The following HS6ST3 variants were observed in gnomAD, a reference collection of about 807,000 sequenced individuals.
The protein encoded by HS6ST3 is heparan sulfate 6-O-sulfotransferase 3.
In HS6ST3, 12 loss-of-function variants were observed where a neutral mutation model predicts 36.7. The observed-to-expected ratio is 0.33, with a 90% CI of 0.21 to 0.53. The LOEUF is 0.53. Among genes scored for constraint, HS6ST3 ranks in the 20% least tolerant of loss-of-function variants. The probability of loss-of-function intolerance (pLI) is 0.95; values close to 1 mark genes in which losing one functional copy is unlikely to be tolerated. For missense variants in HS6ST3, 584 were observed against 640.9 expected (o/e 0.91, Z 0.96); for synonymous variants, 240 against 257.5 (o/e 0.93, Z 0.65).
intron 1 of HS6ST3, among the ~76,000 whole-genome samples, chr13:96,277,136 A>C (rs908314077): frequency 5.3e-5 from 8 of 152,292 alleles, no homozygotes; most frequent in Non-Finnish European, 1.0e-4. Flanking sequence ...TTCAAAAATA[A>C]GTTGTTTTCT....
At chr13:96,611,168 G>A (rs969928328) in intron 1 of HS6ST3, among the ~76,000 whole-genome samples, 5 of 146,902 alleles carry the variant, frequency 3.4e-5, no homozygotes, top group African/African-American at 1.3e-4. Flanking sequence ...AAGTTTTAGG[G>A]TACATGTGCA....
intron 1 of HS6ST3, among the ~76,000 whole-genome samples, chr13:96,684,340 G>A (rs1467226351): frequency 6.6e-6 from 1 of 151,942 alleles, no homozygotes; most frequent in Non-Finnish European, 1.5e-5. Context: ...TAGGGAAATG[G>A]GAGATGTCTA....
intron 1 of HS6ST3, among the ~76,000 whole-genome samples, chr13:96,805,407 G>A (rs938173236): frequency 1.3e-5 from 2 of 152,002 alleles, no homozygotes; most frequent in Non-Finnish European, 1.5e-5. Flanking sequence ...AGTTTCCTGA[G>A]GTCTCCCCAG....
At chr13:96,134,207 T>C (rs1295450980) in intron 1 of HS6ST3, among the ~76,000 whole-genome samples, 3 of 152,120 alleles carry the variant, frequency 2.0e-5, no homozygotes, top group Non-Finnish European at 4.4e-5. Context: ...CTTTTATTTC[T>C]TTATCTTATG....
intron 1 of HS6ST3, among the ~76,000 whole-genome samples, chr13:96,157,381 A>G (rs890758715): frequency 2.6e-5 from 4 of 152,240 alleles, no homozygotes; most frequent in African/African-American, 9.6e-5. Context: ...ATAAGAAAGG[A>G]TCAAAAGAAT....
At chr13:96,323,279 A>G (rs1751136134) in intron 1 of HS6ST3, among the ~76,000 whole-genome samples, 1 of 152,196 alleles carries the variant, frequency 6.6e-6, no homozygotes, top group Non-Finnish European at 1.5e-5. Context: ...AGTCATCCCT[A>G]TCTTAGTAAA....
In HS6ST3 at chr13:96,733,538, A is replaced by G. The variant is rs541069657; in HGVS notation, c.708-98952A>G. Among the ~76,000 whole-genome samples, 19 of 152,324 alleles carry G rather than the reference A, an allele frequency of 1.2e-4. No individual in the cohort carries two copies. In the East Asian group the frequency reaches 3.5e-3, roughly 28 times the overall value. On this transcript the variant is annotated intron_variant, in intron 1 of 1. Transcript: ENST00000376705. Reference sequence around the variant, plus strand: ...GTTTATATGCTATCTTATTCCAGGTAGTGTTATAGATAATAAAAGCAATCA... The same window carrying G: ...GTTTATATGCTATCTTATTCCAGGTGGTGTTATAGATAATAAAAGCAATCA...
At chr13:96,157,803 T>C (rs1341794224) in intron 1 of HS6ST3, among the ~76,000 whole-genome samples, 2 of 152,238 alleles carry the variant, frequency 1.3e-5, no homozygotes, top group Non-Finnish European at 2.9e-5. Context: ...ATAAGTGTTA[T>C]TTCGAATGCG....
At chr13:96,326,824 A>G (rs1214819542) in intron 1 of HS6ST3, among the ~76,000 whole-genome samples, 1 of 151,166 alleles carries the variant, frequency 6.6e-6, no homozygotes, top group Non-Finnish European at 1.5e-5. Context: ...ATTTCTCCAC[A>G]TCCTCTCCAG....
intron 1 of HS6ST3, among the ~76,000 whole-genome samples, chr13:96,262,198 A>C (rs1159014246): frequency 6.6e-6 from 1 of 152,220 alleles, no homozygotes; most frequent in Non-Finnish European, 1.5e-5. Flanking sequence ...TCTGACTCTA[A>C]ATAAATAAGA....
intron 1 of HS6ST3, among the ~76,000 whole-genome samples, chr13:96,203,780 A>C (rs79733613): frequency 6.6e-6 from 1 of 152,234 alleles, no homozygotes; most frequent in African/African-American, 2.4e-5. Context: ...AAGTGGGTTC[A>C]AATTTAAAGT....
At chr13:96,225,887 G>C (rs2054477867) in intron 1 of HS6ST3, among the ~76,000 whole-genome samples, 1 of 152,192 alleles carries the variant, frequency 6.6e-6, no homozygotes, top group Admixed American at 6.5e-5. Context: ...TAGAGAAGTA[G>C]CTTATAAGCA....
At chr13:96,383,934 C>T (rs139285342) in intron 1 of HS6ST3, among the ~76,000 whole-genome samples, 2 of 152,292 alleles carry the variant, frequency 1.3e-5, no homozygotes, top group African/African-American at 4.8e-5. Flanking sequence ...AGACTTCCAT[C>T]CTCCAGAGAA....
chr13:96,182,995 T>C (rs536258895), intron 1 of HS6ST3, among the ~76,000 whole-genome samples: 16 of 152,290 alleles, frequency 1.1e-4, no homozygotes, highest in Admixed American at 3.3e-4. Context: ...TCCTCCTGGG[T>C]GAATTAAAGA....
intron 1 of HS6ST3, among the ~76,000 whole-genome samples, chr13:96,427,664 A>G (rs1437365419): frequency 2.0e-5 from 3 of 152,198 alleles, no homozygotes; most frequent in African/African-American, 7.2e-5. Context: ...AACATCTTGC[A>G]TAATTATAGG....
chr13:96,685,148 A>G (rs1160975466), intron 1 of HS6ST3, among the ~76,000 whole-genome samples: 1 of 152,054 alleles, frequency 6.6e-6, no homozygotes, highest in Non-Finnish European at 1.5e-5. Context: ...TCATTTAGCT[A>G]TTATTCTCTC....
intron 1 of HS6ST3, among the ~76,000 whole-genome samples, chr13:96,425,193 C>T (rs1240907007): frequency 6.6e-6 from 1 of 152,154 alleles, no homozygotes; most frequent in Admixed American, 6.5e-5. Context: ...ATGGCACCAG[C>T]CTCTTAGATC....
At chr13:96,338,155 A>G (rs1444700064) in intron 1 of HS6ST3, among the ~76,000 whole-genome samples, 6 of 151,824 alleles carry the variant, frequency 4.0e-5, no homozygotes, top group African/African-American at 1.5e-4. Flanking sequence ...CAGATTTTCT[A>G]GAGGCTTTTC....
At chr13:96,243,971 C>T (rs1165516016) in intron 1 of HS6ST3, among the ~76,000 whole-genome samples, 1 of 151,528 alleles carries the variant, frequency 6.6e-6, no homozygotes, top group African/African-American at 2.4e-5. Context: ...AGCCTTTATG[C>T]TGGGAGCAGT....
Sources: gnomAD v4.1 joint callset for allele counts (sites outside exome capture counted in the v4.1 genomes callset) on GRCh38, gnomAD v4.1.1 for gene constraint, MANE v1.5 for transcripts, NCBI Gene and HGNC (gene_info 2026-07-23, HGNC 2026-07-21) for gene names.